ZNF136: variants seen among roughly 807,000 people sequenced by gnomAD.
The protein encoded by ZNF136 is zinc finger protein 136.
ZNF136 carries 8 observed loss-of-function variants against 11.4 expected under a neutral mutation model. That is an observed-to-expected ratio of 0.70 (90% CI 0.41 to 1.27). ZNF136 has a LOEUF of 1.27. Ranked by LOEUF, ZNF136 falls within the 50% of genes most tolerant of loss-of-function variation. The probability of loss-of-function intolerance (pLI) is 0.01; values close to 1 mark genes in which losing one functional copy is unlikely to be tolerated. For missense variants in ZNF136, 590 were observed against 656.5 expected (o/e 0.90, Z 1.11); for synonymous variants, 190 against 207.1 (o/e 0.92, Z 0.71).
intron 1 of ZNF136, chr19:12,184,771 G>A (rs1434903976): frequency 4.6e-5 from 7 of 152,022 alleles, no homozygotes; most frequent in African/African-American, 1.4e-4. Context: ...TATGTGTTGC[G>A]CGTGTAACAA....
At position 12,187,734 on chromosome 19, in the gene ZNF136, A is replaced by G; in HGVS notation, c.1356A>G (p.Gln452=). 3 of 1,613,454 alleles carry G rather than the reference A, an allele frequency of 1.9e-6. No individual in the cohort carries two copies. The highest frequency in any genetic ancestry group is 2.2e-5 in the East Asian group (1 of 44,814). Residue 452 remains glutamine (Q), a synonymous_variant, in exon 4 of 4, where the codon CAA becomes CAG. Transcript: ENST00000343979. ...GAGAGAAACCCTATGAGTGTAAGCA[A>G]TGTGGGAAAGCCTTCAGTTATCTCA... ...HTGEKPYECK[Q]CGKAFSYLNS...
intron 1 of ZNF136, among the ~76,000 whole-genome samples, chr19:12,175,266 C>T (rs1171774299): frequency 6.6e-6 from 1 of 151,600 alleles, no homozygotes; most frequent in Admixed American, 6.6e-5. Flanking sequence ...GCTATCTTGG[C>T]TCACCGCAAC....
chr19:12,184,436 C>T (rs975841277), intron 1 of ZNF136, among the ~76,000 whole-genome samples: 18 of 151,968 alleles, frequency 1.2e-4, no homozygotes, highest in Non-Finnish European at 2.2e-4. Context: ...TGGCAGGTGC[C>T]TGTAGTCCCA....
intron 1 of ZNF136, among the ~76,000 whole-genome samples, chr19:12,167,266 C>T (rs944282659): frequency 2.0e-5 from 3 of 152,136 alleles, no homozygotes; most frequent in African/African-American, 7.2e-5. Context: ...TGGCTTTTCA[C>T]CTAAGAAGCA....
intron 1 of ZNF136, among the ~76,000 whole-genome samples, chr19:12,170,876 C>T (rs1027910870): frequency 2.0e-5 from 3 of 149,214 alleles, no homozygotes; most frequent in Non-Finnish European, 3.0e-5. Context: ...ACTCTTGTTG[C>T]CCAGTCTGGA....
chr19:12,175,135 A>G (rs1337843489), intron 1 of ZNF136, among the ~76,000 whole-genome samples: 3 of 152,104 alleles, frequency 2.0e-5, no homozygotes, highest in African/African-American at 4.8e-5. Context: ...CTTGCAGAGA[A>G]AAAAGAGCAA....
intron 1 of ZNF136, among the ~76,000 whole-genome samples, chr19:12,178,139 G>C (rs1339767469): frequency 6.6e-6 from 1 of 152,058 alleles, no homozygotes; most frequent in Admixed American, 6.6e-5. Context: ...TTTTAAATTG[G>C]ATTGTTTTCT....
At position 12,187,403 on chromosome 19, in the gene ZNF136, G is replaced by T; in HGVS notation, c.1025G>T (p.Gly342Val). 6.2e-7 allele frequency: 1 copy of T among 1,613,992 alleles called. No homozygotes were observed. The highest frequency in any genetic ancestry group is 8.5e-7 in the Non-Finnish European group (1 of 1,179,968). The change falls in exon 4 of 4, where the codon GGT becomes GTT. Residue 342 changes from glycine to valine, a missense_variant. Transcript: ENST00000343979. ...GEKPFVCKQC[G>V]KAFRSASTFQ... ...AAACCCTTCGTATGTAAACAATGTG[G>T]TAAAGCCTTTAGATCTGCCAGTACC...
chr19:12,165,688 G>A (rs1451064449), intron 1 of ZNF136, among the ~76,000 whole-genome samples: 1 of 152,192 alleles, frequency 6.6e-6, no homozygotes, highest in Non-Finnish European at 1.5e-5. Context: ...TCTACAATGT[G>A]TGTGTTCACA....
chr19:12,169,980 G>GAGACGGGGTTTCACTGTGTT (rs1193886505), intron 1 of ZNF136, among the ~76,000 whole-genome samples: 3 of 151,876 alleles, frequency 2.0e-5, no homozygotes, highest in African/African-American at 4.8e-5. Context: ...ATTTTTAGTA[G>GAGACGGGGTTTCACTGTGTT]AGACGGGGTT....
rs183671609 is a variant in ZNF136 at position 12,166,101 on chromosome 19, G to A, written c.3+2895G>A. Among the ~76,000 whole-genome samples, 18 of 152,022 alleles carry A rather than the reference G, an allele frequency of 1.2e-4. No homozygotes were observed. In the East Asian group the frequency reaches 3.1e-3, roughly 26 times the overall value. Reference sequence around the variant, plus strand: ...AAATTAGCCAGGTGTGGTGGTGGGCGCCTATAATCCCAGGTACTCAGGAGG... The same window carrying A: ...AAATTAGCCAGGTGTGGTGGTGGGCACCTATAATCCCAGGTACTCAGGAGG... On this transcript the variant is annotated intron_variant, in intron 1 of 3. Transcript: ENST00000343979.
rs1568406416 is a variant in ZNF136, at chr19:12,189,684, AT to A, written c.*1687del. Reference sequence around the variant, plus strand: ...TTTTTTTCTTGGCTCAAATAATTTTATTTTGCTTCCTATTAAAGAGTTGTTG... The same window carrying A: ...TTTTTTTCTTGGCTCAAATAATTTTATTTGCTTCCTATTAAAGAGTTGTTG... On this transcript the variant is annotated 3_prime_UTR_variant, in exon 4 of 4. Coordinates refer to ENST00000343979, the MANE Select transcript of ZNF136 (RefSeq NM_003437.5). 1 of 151,600 alleles carries A rather than the reference AT, an allele frequency of 6.6e-6. No individual in the cohort carries two copies. The highest frequency in any genetic ancestry group is 2.4e-5 in the African/African-American group (1 of 41,226). 9.4% of individuals were successfully genotyped at this position (151,600 alleles called of 1,614,324 possible).
At chr19:12,167,632 G>C (rs1244966899) in intron 1 of ZNF136, among the ~76,000 whole-genome samples, 2 of 152,184 alleles carry the variant, frequency 1.3e-5, no homozygotes, top group Non-Finnish European at 2.9e-5. Context: ...GGCCAAGACA[G>C]GCGGATCACC....
intron 1 of ZNF136, chr19:12,184,690 C>T (rs1439106285): frequency 1.3e-5 from 2 of 152,054 alleles, no homozygotes; most frequent in Admixed American, 6.6e-5. Context: ...CTTAATTTTC[C>T]CAGTAACCAA....
Position 12,186,617 on chromosome 19 carries a change from G to C in ZNF136, c.239G>C (p.Arg80Pro), listed in dbSNP as rs757168231. ...TATCAAACTAAGGATGGTAGTCAGC[G>C]TGGAGGAATTTTTAGCCAGTTTGCA... ...RLYQTKDGSQ[R>P]GGIFSQFANQ... Residue 80 changes from arginine to proline, a missense_variant, in exon 4 of 4, where the codon CGT (arginine) becomes CCT (proline). Transcript: ENST00000343979. 1 of 1,614,074 alleles carries C rather than the reference G, an allele frequency of 6.2e-7. No homozygotes were observed. Among genetic ancestry groups the C allele is most frequent in the Non-Finnish European group, 8.5e-7 (1 of 1,179,972 alleles).
In ZNF136 at chr19:12,187,408, G is replaced by C. The variant is rs751958950; in HGVS notation, c.1030G>C (p.Ala344Pro). ...KPFVCKQCGK[A>P]FRSASTFQIH... ...CTTCGTATGTAAACAATGTGGTAAA[G>C]CCTTTAGATCTGCCAGTACCTTTCA... Residue 344 changes from alanine to proline, a missense_variant, in exon 4 of 4, where the codon GCC becomes CCC. Ala to Pro is a conservative substitution (Grantham distance 27). Transcript: ENST00000343979. The C allele has an allele frequency of 6.2e-7, 1 of 1,613,924 alleles. No homozygotes were observed. Among genetic ancestry groups the C allele is most frequent in the Non-Finnish European group, 8.5e-7 (1 of 1,179,974 alleles).
intron 1 of ZNF136, 143 bp downstream of exon 1, chr19:12,163,349 T>G: frequency 8.9e-7 from 1 of 1,126,862 alleles, no homozygotes; most frequent in Non-Finnish European, 1.1e-6. Context: ...CAGCCCTTGG[T>G]ACCCTCGGCC....
Position 12,189,355 on chromosome 19 carries a change from T to C in ZNF136, c.*1354T>C, listed in dbSNP as rs1915198059. On this transcript the variant is annotated 3_prime_UTR_variant, in exon 4 of 4. Coordinates refer to ENST00000343979, the MANE Select transcript of ZNF136 (RefSeq NM_003437.5). ...TTCCTTTTTTCTTTTTTCTTTCTTC[T>C]TTTTTCTTTTTGAGACAGGGTCTCG... 6.6e-6 allele frequency: 1 copy of C among 152,228 alleles called. No individual in the cohort carries two copies. Among genetic ancestry groups the C allele is most frequent in the Admixed American group, 6.5e-5 (1 of 15,268 alleles). The allele number at this position is 152,228 out of a possible 1,614,324, so 9.4% of individuals were successfully genotyped here. A position where few individuals can be genotyped will look rare whatever the true frequency, so the allele number is the denominator to read the frequency against.
chr19:12,175,879 A>G (rs969227198), intron 1 of ZNF136, among the ~76,000 whole-genome samples: 1 of 152,186 alleles, frequency 6.6e-6, no homozygotes, highest in African/African-American at 2.4e-5. Context: ...GCAGTGTTAC[A>G]TAGTTTGAAT....
Sources: gnomAD v4.1 joint callset for allele counts (sites outside exome capture counted in the v4.1 genomes callset) on GRCh38, gnomAD v4.1.1 for gene constraint, MANE v1.5 for transcripts, NCBI Gene and HGNC (gene_info 2026-07-23, HGNC 2026-07-21) for gene names.